FHIT: variants seen among roughly 807,000 people sequenced by gnomAD.
The protein encoded by FHIT is bis(5'-adenosyl)-triphosphatase.
In FHIT, 19 loss-of-function variants were observed where a neutral mutation model predicts 17.9. The ratio of observed to expected loss-of-function variants is 1.06; its 90% CI spans 0.74 to 1.56. The LOEUF is 1.56. Among genes scored for constraint, FHIT ranks in the 40% most tolerant of loss-of-function variants. The pLI, the probability that FHIT is intolerant of heterozygous loss-of-function variation, is 0.00. For synonymous variants in FHIT, 81 were observed against 69.7 expected (o/e 1.16, Z -0.81); for missense variants, 248 against 189.2 (o/e 1.31, Z -1.82).
At chr3:59,918,553 A>T (rs1705249872) in intron 8 of FHIT, among the ~76,000 whole-genome samples, 1 of 152,222 alleles carries the variant, frequency 6.6e-6, no homozygotes, top group Non-Finnish European at 1.5e-5. Flanking sequence ...GTAAATGAAT[A>T]GGCAGGGAGA....
rs185593236 is a variant in FHIT, at chr3:60,040,433, C to T, written c.104-26281G>A. Among the ~76,000 whole-genome samples, 714 of 152,230 alleles carry T rather than the reference C, an allele frequency of 4.7e-3. 4 individuals are homozygous for T. The highest frequency in any genetic ancestry group is 8.4e-3 in the Non-Finnish European group (573 of 68,020). ...TGCTGGGATTACAGGCATGAGCCACCGCGCCTGGCCTTTCCTTCTTTCTTG... is the reference window on the plus strand; with the variant it reads ...TGCTGGGATTACAGGCATGAGCCACTGCGCCTGGCCTTTCCTTCTTTCTTG... On this transcript the variant is annotated intron_variant, in intron 5 of 9. Coordinates refer to ENST00000492590, the MANE Select transcript of FHIT (RefSeq NM_002012.4).
chr3:59,797,990 ATT>A (rs1325746467), intron 8 of FHIT, among the ~76,000 whole-genome samples: 1 of 152,174 alleles, frequency 6.6e-6, no homozygotes, highest in African/African-American at 2.4e-5. Flanking sequence ...AGAACAGTAT[ATT>A]CAACTTGCCT....
intron 3 of FHIT, among the ~76,000 whole-genome samples, chr3:60,861,170 G>GA (rs1559781430): frequency 0.032 from 16 of 506 alleles, 1 homozygote; most frequent in African/African-American, 0.077. Context: ...TATATCATAT[G>GA]TTCTATGATA....
intron 5 of FHIT, among the ~76,000 whole-genome samples, chr3:60,384,467 C>G (rs541493984): frequency 6.6e-6 from 1 of 152,016 alleles, no homozygotes; most frequent in Non-Finnish European, 1.5e-5. Context: ...TAGCCCCATG[C>G]GAGGAGAGAG....
intron 3 of FHIT, among the ~76,000 whole-genome samples, chr3:60,823,629 G>A (rs1363912394): frequency 6.6e-6 from 1 of 152,178 alleles, no homozygotes; most frequent in African/African-American, 2.4e-5. Context: ...TTTAGAGGGA[G>A]CATGGCCCTG....
intron 7 of FHIT, among the ~76,000 whole-genome samples, chr3:59,949,845 C>T (rs959805653): frequency 6.6e-6 from 1 of 152,216 alleles, no homozygotes; most frequent in African/African-American, 2.4e-5. Flanking sequence ...GTGAGAATTG[C>T]TGATGGGGAA....
At chr3:59,883,384 G>C (rs1575638755) in intron 8 of FHIT, among the ~76,000 whole-genome samples, 1 of 152,186 alleles carries the variant, frequency 6.6e-6, no homozygotes, top group Admixed American at 6.5e-5. Context: ...GGCTGTGGAG[G>C]CCTCACAATC....
chr3:60,389,578 G>C (rs1360933943), intron 5 of FHIT, among the ~76,000 whole-genome samples: 1 of 152,120 alleles, frequency 6.6e-6, no homozygotes, highest in East Asian at 1.9e-4. Flanking sequence ...GATTTAACTT[G>C]TCCAGTGCAA....
At chr3:59,878,723 T>A (rs1029876542) in intron 8 of FHIT, among the ~76,000 whole-genome samples, 1 of 152,178 alleles carries the variant, frequency 6.6e-6, no homozygotes, top group Non-Finnish European at 1.5e-5. Flanking sequence ...GGCCTCCAGA[T>A]GGGCCACCTC....
At chr3:60,737,554 C>T (rs554089471) in intron 4 of FHIT, among the ~76,000 whole-genome samples, 159 of 152,288 alleles carry the variant, frequency 1.0e-3, no homozygotes, top group African/African-American at 3.4e-3. Context: ...CAATAGCAAG[C>T]CATTAACTGC....
At chr3:60,881,975 T>C (rs748207905) in intron 3 of FHIT, among the ~76,000 whole-genome samples, 6 of 151,814 alleles carry the variant, frequency 4.0e-5, no homozygotes, top group African/African-American at 1.2e-4. Context: ...TTTGAAAAGA[T>C]AACAAAATTA....
intron 5 of FHIT, among the ~76,000 whole-genome samples, chr3:60,473,380 AAG>A (rs529276143): frequency 2.6e-5 from 4 of 152,312 alleles, no homozygotes; most frequent in Admixed American, 1.3e-4. Context: ...AACATATTTC[AAG>A]AGAGAGGGAC....
intron 4 of FHIT, among the ~76,000 whole-genome samples, chr3:60,575,500 A>G (rs1553657272): frequency 6.6e-6 from 1 of 152,186 alleles, no homozygotes; most frequent in Non-Finnish European, 1.5e-5. Context: ...AACTGTAGAA[A>G]CAGGCTTACA....
At chr3:60,988,729 G>A (rs1377198402) in intron 3 of FHIT, among the ~76,000 whole-genome samples, 1 of 152,054 alleles carries the variant, frequency 6.6e-6, no homozygotes, top group Non-Finnish European at 1.5e-5. Flanking sequence ...GGCAAGAGGT[G>A]ATATATTTGT....
intron 8 of FHIT, among the ~76,000 whole-genome samples, chr3:59,814,865 A>C (rs1700539951): frequency 1.3e-5 from 2 of 152,134 alleles, no homozygotes; most frequent in Non-Finnish European, 2.9e-5. Context: ...AAAGGCTACC[A>C]TGCAGTGGGG....
chr3:60,480,384 T>C (rs1006505518), intron 5 of FHIT, among the ~76,000 whole-genome samples: 4 of 152,164 alleles, frequency 2.6e-5, no homozygotes, highest in African/African-American at 9.7e-5. Flanking sequence ...TCATGTCCTT[T>C]GCACATTTCA....
chr3:60,841,584 T>C (rs1702725429), intron 3 of FHIT, among the ~76,000 whole-genome samples: 1 of 152,182 alleles, frequency 6.6e-6, no homozygotes, highest in South Asian at 2.1e-4. Context: ...AAATAACAGA[T>C]ATTTATTTTA....
At chr3:60,613,627 C>G (rs570782135) in intron 4 of FHIT, among the ~76,000 whole-genome samples, 5 of 152,100 alleles carry the variant, frequency 3.3e-5, no homozygotes, top group Admixed American at 3.3e-4. Context: ...ATTCCTTCAT[C>G]TTTCTCTCCC....
chr3:59,932,443 A>G (rs1033073005), intron 7 of FHIT, among the ~76,000 whole-genome samples: 3 of 152,196 alleles, frequency 2.0e-5, no homozygotes, highest in African/African-American at 7.2e-5. Context: ...CAAAGGAAGC[A>G]TTGATTGCAG....
Sources: gnomAD v4.1 joint callset for allele counts (sites outside exome capture counted in the v4.1 genomes callset) on GRCh38, gnomAD v4.1.1 for gene constraint, MANE v1.5 for transcripts, NCBI Gene and HGNC (gene_info 2026-07-23, HGNC 2026-07-21) for gene names.